Variants in YWHAE observed in about 807,000 individuals in gnomAD.
YWHAE encodes tyrosine 3-monooxygenase/tryptophan 5-monooxygenase activation protein epsilon.
YWHAE carries 4 observed loss-of-function variants against 30.1 expected under a neutral mutation model. The ratio of observed to expected loss-of-function variants is 0.13; its 90% CI spans 0.07 to 0.30. The LOEUF is 0.30. Ranked by LOEUF, YWHAE falls within the 10% of genes least tolerant of loss-of-function variation. The pLI is 1.00. For missense variants in YWHAE, 121 were observed against 315.9 expected, an observed-to-expected ratio of 0.38 and a Z score of 4.68; for synonymous variants, 118 against 111.8, an observed-to-expected ratio of 1.06 and a Z score of -0.35.
chr17:1,347,217 T>C (rs1030861825), intron 5 of YWHAE, among the ~76,000 whole-genome samples: 5 of 149,346 alleles, frequency 3.3e-5, no homozygotes, highest in Admixed American at 2.0e-4. Context: ...CAGGCGCCTG[T>C]AGTCCCAGCT....
chr17:1,399,897 G>A (rs900640460), intron 1 of YWHAE, 150 bp downstream of exon 1: 10 of 901,676 alleles, frequency 1.1e-5, no homozygotes, highest in Admixed American at 7.7e-5. Context: ...CCATCGCCCC[G>A]GGAGCTCCCA....
intron 1 of YWHAE, among the ~76,000 whole-genome samples, chr17:1,376,313 C>G (rs1430232488): frequency 6.6e-6 from 1 of 151,576 alleles, no homozygotes; most frequent in Middle Eastern, 3.2e-3. Context: ...CGTCTGCCAC[C>G]ATGAGAGAAA....
At chr17:1,385,987 G>T (rs187947622) in intron 1 of YWHAE, among the ~76,000 whole-genome samples, 1 of 152,118 alleles carries the variant, frequency 6.6e-6, no homozygotes, top group African/African-American at 2.4e-5. Context: ...AACTCCTTCC[G>T]AAGTGGAAGG....
At position 1,364,889 on chromosome 17, in the gene YWHAE, C is replaced by A. The variant is rs750467382; in HGVS notation, c.234G>T (p.Lys78Asn). The change falls in exon 2 of 6, where the codon AAG (lysine) becomes AAT (asparagine). Residue 78 changes from lysine to asparagine, a missense_variant. Lys to Asn is a moderately conservative substitution (Grantham distance 94). Around this residue, in one of 2 missense-constraint regions of YWHAE, gnomAD observed 99 missense variants for 289.3 expected, o/e 0.34. Transcript: ENST00000264335. The stretch of plus-strand genomic sequence containing the variant: ...GCCGATATTCCCGAATCATTTTTAG[C>A]TTGTCTTCTCCTCCCTTGTTTTCTT... ...QKEENKGGED[K>N]LKMIREYRQM... The A allele has an allele frequency of 1.2e-6, 2 of 1,614,070 alleles. No homozygotes were observed. Among genetic ancestry groups the A allele is most frequent in the Non-Finnish European group, 8.5e-7 (1 of 1,179,954 alleles).
At chr17:1,379,956 T>C (rs2073179785) in intron 1 of YWHAE, among the ~76,000 whole-genome samples, 3 of 152,168 alleles carry the variant, frequency 2.0e-5, no homozygotes, top group African/African-American at 7.2e-5. Flanking sequence ...CCTATTCTAG[T>C]CTACTAACTT....
intron 4 of YWHAE, among the ~76,000 whole-genome samples, chr17:1,357,168 C>T (rs1051956303): frequency 1.2e-4 from 18 of 152,012 alleles, no homozygotes; most frequent in Admixed American, 4.6e-4. Context: ...CTTTGGGAGG[C>T]CGAGGCGGGT....
rs1381845880 is a variant in YWHAE at position 1,350,740 on chromosome 17, CAT to C, written c.715+3469_715+3470del. Reference sequence around the variant, plus strand: ...TACAGGCATGAGCCACTGTGCCCAGCATATGTTTTTATTAAAATAATAATAAT... The same window carrying C: ...TACAGGCATGAGCCACTGTGCCCAGCATGTTTTTATTAAAATAATAATAAT... On this transcript the variant is annotated intron_variant, in intron 5 of 5. Transcript: ENST00000264335. 4.7e-5 allele frequency among the ~76,000 whole-genome samples: 7 copies of C among 150,490 alleles called. No individual in the cohort carries two copies. The East Asian group carries it at 1.5e-3, about 31-fold the overall frequency.
In YWHAE at chr17:1,374,555, C is replaced by G. The variant is rs1567973302; in HGVS notation, c.65-9497G>C. Among the ~76,000 whole-genome samples, 7 of 152,084 alleles carry G rather than the reference C, an allele frequency of 4.6e-5. 1 individual carries two copies. The highest frequency in any genetic ancestry group is 4.1e-4 in the South Asian group (2 of 4,824). ...GGCACCGTTTTTACACTCCCACCAG[C>G]AACACAGGATTCTAATCTGGCCACG... On this transcript the variant is annotated intron_variant, in intron 1 of 5. Coordinates refer to ENST00000264335, the MANE Select transcript of YWHAE (RefSeq NM_006761.5).
chr17:1,372,575 A>G (rs1231257892), intron 1 of YWHAE, among the ~76,000 whole-genome samples: 16 of 152,204 alleles, frequency 1.1e-4, no homozygotes, highest in Admixed American at 1.0e-3. Context: ...TTAAACACTT[A>G]GAAGCAATTG....
intron 4 of YWHAE, among the ~76,000 whole-genome samples, chr17:1,355,788 A>G (rs947515493): frequency 1.3e-5 from 2 of 152,166 alleles, no homozygotes; most frequent in Non-Finnish European, 2.9e-5. Flanking sequence ...TAATCAGCAC[A>G]CTTTGGGTGG....
At chr17:1,355,118 A>C (rs762676243) in intron 4 of YWHAE, among the ~76,000 whole-genome samples, 427 of 6,648 alleles carry the variant, frequency 0.064, 14 homozygotes, top group African/African-American at 0.19. Context: ...AGATTTTTTA[A>C]AAAAAAAAAA....
At chr17:1,389,989 G>A (rs113795788) in intron 1 of YWHAE, among the ~76,000 whole-genome samples, 75 of 152,096 alleles carry the variant, frequency 4.9e-4, no homozygotes, top group Non-Finnish European at 1.1e-3. Context: ...GATTACAAGC[G>A]CCTGCCACCA....
chr17:1,395,025 TAC>T (rs1448245688), intron 1 of YWHAE, among the ~76,000 whole-genome samples: 1 of 152,058 alleles, frequency 6.6e-6, no homozygotes, highest in Non-Finnish European at 1.5e-5. Context: ...ACTGTTTGTG[TAC>T]ACAGTGTTCT....
chr17:1,371,528 T>C lies in YWHAE; in HGVS notation c.65-6470A>G, dbSNP rs1201419189. Among the ~76,000 whole-genome samples, 4 of 152,188 alleles carry C rather than the reference T, an allele frequency of 2.6e-5. No homozygotes were observed. The East Asian group carries it at 7.7e-4, about 29-fold the overall frequency. On this transcript the variant is annotated intron_variant, in intron 1 of 5. Coordinates refer to ENST00000264335, the MANE Select transcript of YWHAE (RefSeq NM_006761.5). ...CTTACAGGCTTTGCTGTTCCATTTA[T>C]AAACCAGGCAGAGTAAATTTAGCAT...
At chr17:1,349,956 G>GCA (rs1567953807) in intron 5 of YWHAE, among the ~76,000 whole-genome samples, 4 of 69,822 alleles carry the variant, frequency 5.7e-5, no homozygotes, top group Non-Finnish European at 9.9e-5. Flanking sequence ...GTATTACCCT[G>GCA]TATTTTTTTT....
chr17:1,370,413 G>C (rs1310963777), intron 1 of YWHAE, among the ~76,000 whole-genome samples: 3 of 151,776 alleles, frequency 2.0e-5, no homozygotes, highest in Admixed American at 6.6e-5. Context: ...TTACAGGCGT[G>C]AGCCACCGCG....
At chr17:1,352,938 A>G (rs1477036387) in intron 5 of YWHAE, among the ~76,000 whole-genome samples, 1 of 152,182 alleles carries the variant, frequency 6.6e-6, no homozygotes, top group Non-Finnish European at 1.5e-5. Flanking sequence ...TAATACTCCT[A>G]TCACACTAAT....
chr17:1,360,362 G>C (rs2072844678), intron 4 of YWHAE, among the ~76,000 whole-genome samples: 1 of 152,086 alleles, frequency 6.6e-6, no homozygotes, highest in South Asian at 2.1e-4. Context: ...GTATAAATGG[G>C]GGAACAGTTT....
intron 1 of YWHAE, among the ~76,000 whole-genome samples, chr17:1,397,484 T>C (rs1048587134): frequency 6.6e-6 from 1 of 152,042 alleles, no homozygotes; most frequent in East Asian, 1.9e-4. Context: ...CGCCCCAGGA[T>C]AGAATTAAAT....
Sources: allele counts gnomAD v4.1 joint callset (sites outside exome capture counted in the v4.1 genomes callset), GRCh38; gene constraint gnomAD v4.1.1; regional missense constraint gnomAD v4.1.1; transcripts MANE v1.5; gene names NCBI Gene and HGNC (gene_info 2026-07-23, HGNC 2026-07-21).